Variants in ZC3H14 observed in about 807,000 individuals in gnomAD.
ZC3H14 encodes zinc finger CCCH domain-containing protein 14.
In ZC3H14, 31 loss-of-function variants were observed where a neutral mutation model predicts 92.4. That is an observed-to-expected ratio of 0.34 (90% CI 0.25 to 0.45). ZC3H14 has a LOEUF of 0.45. ZC3H14 is among the 20% of genes least tolerant of loss of function. ZC3H14 has a pLI of 1.00. For synonymous variants in ZC3H14, 321 were observed against 300.9 expected (o/e 1.07, Z -0.69); for missense variants, 781 against 897.3 (o/e 0.87, Z 1.66).
At chr14:88,563,501 T>C (rs1454014972) in intron 1 of ZC3H14, 150 bp from the exon 2 acceptor site, 1 of 1,466,928 alleles carries the variant, frequency 6.8e-7, no homozygotes, top group Non-Finnish European at 9.2e-7. Flanking sequence ...GGGTGCGGGG[T>C]GGGGGGCGGT....
chr14:88,592,608 C>T, intron 9 of ZC3H14, among the ~76,000 whole-genome samples: 1 of 143,686 alleles, frequency 7.0e-6, no homozygotes, highest in East Asian at 2.2e-4. Flanking sequence ...TCAGGTGATT[C>T]TCATGCCTCA....
intron 13 of ZC3H14, 156 bp from the exon 14 acceptor site, chr14:88,609,111 G>T: frequency 1.1e-6 from 1 of 876,376 alleles, no homozygotes; most frequent in South Asian, 1.8e-5. Context: ...GTCCTATTTT[G>T]ATATATGGTC....
intron 1 of ZC3H14, 99 bp from the exon 2 acceptor site, chr14:88,563,552 G>A: frequency 6.3e-7 from 1 of 1,587,254 alleles, no homozygotes; most frequent in East Asian, 2.2e-5. Context: ...GGGGATCCGA[G>A]GTGCGCGCAC....
In ZC3H14 at chr14:88,624,874, C is replaced by T. The variant is rs557944545; in HGVS notation, c.*13123C>T. On this transcript the variant is annotated 3_prime_UTR_variant, in exon 17 of 17. Coordinates refer to ENST00000251038, the MANE Select transcript of ZC3H14 (RefSeq NM_024824.5). ...ATATGAGGAGGAAGGTCGGAGAGGACACTCTGTGTAGCCTAGAAACAACTA... is the reference window on the plus strand; with the variant it reads ...ATATGAGGAGGAAGGTCGGAGAGGATACTCTGTGTAGCCTAGAAACAACTA... The T allele has an allele frequency of 1.5e-6, 2 of 1,375,700 alleles. No homozygotes were observed. The highest frequency in any genetic ancestry group is 2.9e-5 in the African/African-American group (2 of 68,764). The allele number at this position is 1,375,700 out of a possible 1,614,324, so 85.2% of individuals were successfully genotyped here.
chr14:88,595,070 C>T, intron 9 of ZC3H14: 1 of 1,613,150 alleles, frequency 6.2e-7, no homozygotes, highest in Non-Finnish European at 8.5e-7. Flanking sequence ...TCAAGAACTA[C>T]TGATGTAAAA....
chr14:88,601,296 C>A (rs746592195), intron 10 of ZC3H14, among the ~76,000 whole-genome samples: 5 of 152,140 alleles, frequency 3.3e-5, no homozygotes, highest in Admixed American at 6.5e-5. Flanking sequence ...ATTGATAGGT[C>A]AGCCATTCTG....
At chr14:88,563,509 G>A in intron 1 of ZC3H14, 142 bp from the exon 2 acceptor site, 1 of 1,552,608 alleles carries the variant, frequency 6.4e-7, no homozygotes, top group Non-Finnish European at 8.7e-7. Flanking sequence ...GGTGGGGGGC[G>A]GTGCAGGCGA....
At chr14:88,563,557 G>C (rs2079161464) in intron 1 of ZC3H14, 94 bp from the exon 2 acceptor site, 1 of 1,584,606 alleles carries the variant, frequency 6.3e-7, no homozygotes, top group African/African-American at 1.3e-5. Context: ...TCCGAGGTGC[G>C]CGCACCAGCA....
intron 10 of ZC3H14, among the ~76,000 whole-genome samples, chr14:88,601,719 G>T (rs968551941): frequency 6.6e-6 from 1 of 152,194 alleles, no homozygotes; most frequent in Non-Finnish European, 1.5e-5. Context: ...CTTGTGCCGT[G>T]CCCTACGCGA....
rs2083553079 is a variant in ZC3H14, at chr14:88,594,577, A to T, written c.1280-2157A>T. The T allele has an allele frequency of 2.0e-6, 3 of 1,503,176 alleles. No individual in the cohort carries two copies. The South Asian group carries it at 4.0e-5, about 20-fold the overall frequency. The allele number at this position is 1,503,176 out of a possible 1,614,324, so 93.1% of individuals were successfully genotyped here. A position where few individuals can be genotyped will look rare whatever the true frequency, so the allele number is the denominator to read the frequency against. ...CATCTTTTGAATTACAGGTTTTAAGATGTTATTTGCTCTTAATACGTCTTA... is the reference window on the plus strand; with the variant it reads ...CATCTTTTGAATTACAGGTTTTAAGTTGTTATTTGCTCTTAATACGTCTTA... On this transcript the variant is annotated intron_variant, in intron 9 of 16. Coordinates refer to ENST00000251038, the MANE Select transcript of ZC3H14 (RefSeq NM_024824.5).
chr14:88,571,414 T>A (rs1196038447), intron 4 of ZC3H14, among the ~76,000 whole-genome samples: 1 of 152,194 alleles, frequency 6.6e-6, no homozygotes. Context: ...GAAAACAATT[T>A]AAAAGTTCAG....
chr14:88,581,079 T>C (rs1455485726), intron 9 of ZC3H14, among the ~76,000 whole-genome samples: 1 of 152,224 alleles, frequency 6.6e-6, no homozygotes, highest in Non-Finnish European at 1.5e-5. Flanking sequence ...GAGGATGAGC[T>C]TCAGACAAGT....
In ZC3H14 at chr14:88,576,928, T is replaced by C. The variant is rs1013659936; in HGVS notation, c.1123+988T>C. 5.3e-5 allele frequency among the ~76,000 whole-genome samples: 8 copies of C among 152,074 alleles called. 1 individual carries two copies. Among genetic ancestry groups the C allele is most frequent in the Admixed American group, 2.6e-4 (4 of 15,260 alleles). On this transcript the variant is annotated intron_variant, in intron 8 of 16. Coordinates refer to ENST00000251038, the MANE Select transcript of ZC3H14 (RefSeq NM_024824.5). ...GCCTCAGCCTCCCAAGTAGCTGGGA[T>C]TACAGGCGCCCACTACCATGCCAGG...
chr14:88,563,342 G>C (rs931501070), intron 1 of ZC3H14, 173 bp downstream of exon 1: 5 of 1,473,952 alleles, frequency 3.4e-6, no homozygotes, highest in Non-Finnish European at 4.5e-6. Flanking sequence ...GGACATTTGC[G>C]GCCTCGGAGC....
In ZC3H14 at chr14:88,625,119, C is replaced by T. The variant is rs1199858141; in HGVS notation, c.*13368C>T. ...CACCACTGATGGTACCTGTAAACGT[C>T]AAGTTATTCTGAAAAGGAGTGGGGG... is the stretch of plus-strand genomic sequence containing the variant. On this transcript the variant is annotated 3_prime_UTR_variant, in exon 17 of 17. Transcript: ENST00000251038. 1 of 1,613,312 alleles carries T rather than the reference C, an allele frequency of 6.2e-7. No homozygotes were observed. Among genetic ancestry groups the T allele is most frequent in the East Asian group, 2.2e-5 (1 of 44,884 alleles).
intron 10 of ZC3H14, among the ~76,000 whole-genome samples, chr14:88,601,028 T>TTCCTCCTTGC: frequency 6.6e-6 from 1 of 152,182 alleles, no homozygotes; most frequent in South Asian, 2.1e-4. Flanking sequence ...ACTTCAGATG[T>TTCCTCCTTGC]TCCTCCTTGC....
chr14:88,579,145 A>G (rs1297043462), intron 9 of ZC3H14, among the ~76,000 whole-genome samples: 1 of 152,094 alleles, frequency 6.6e-6, no homozygotes, highest in Non-Finnish European at 1.5e-5. Flanking sequence ...CTTGGAATAT[A>G]TTTTTTCATT....
rs1325040356 is a variant in ZC3H14 at position 88,616,163 on chromosome 14, C to CT, written c.*4413dup. The CT allele has an allele frequency of 6.2e-7, 1 of 1,613,936 alleles. No homozygotes were observed. The highest frequency in any genetic ancestry group is 1.1e-5 in the South Asian group (1 of 91,086). ...TAACCTGCAGTCATCACCTCCAGCACTAACAACATGTCGATCACCACTGGT... is the reference window on the plus strand; with the variant it reads ...TAACCTGCAGTCATCACCTCCAGCACTTAACAACATGTCGATCACCACTGGT... On this transcript the variant is annotated 3_prime_UTR_variant, in exon 17 of 17. Transcript: ENST00000251038.
intron 9 of ZC3H14, among the ~76,000 whole-genome samples, chr14:88,583,156 C>G (rs575057420): frequency 7.1e-6 from 1 of 141,612 alleles, no homozygotes; most frequent in African/African-American, 2.7e-5. Context: ...TTTTAAGAGG[C>G]GAGGTCTCAC....
Sources: gnomAD v4.1 joint callset for allele counts (sites outside exome capture counted in the v4.1 genomes callset) on GRCh38, gnomAD v4.1.1 for gene constraint, MANE v1.5 for transcripts, NCBI Gene and HGNC (gene_info 2026-07-23, HGNC 2026-07-21) for gene names.